ATP8A1: variants seen among roughly 807,000 people sequenced by gnomAD.
ATP8A1 encodes the protein phospholipid-transporting ATPase IA.
Under a neutral mutation model 177.7 loss-of-function variants are expected in ATP8A1, and 90 were observed. That is an observed-to-expected ratio of 0.51 (90% CI 0.43 to 0.60). ATP8A1 has a LOEUF of 0.60. Ranked by LOEUF, ATP8A1 falls within the 20% of genes least tolerant of loss-of-function variation. The pLI is 0.00. For synonymous variants in ATP8A1, 493 were observed against 485.9 expected, an observed-to-expected ratio of 1.01 and a Z score of -0.19; for missense variants, 1,072 against 1,392.8, an observed-to-expected ratio of 0.77 and a Z score of 3.67.
chr4:42,552,877 G>A (rs1248554891), intron 16 of ATP8A1, among the ~76,000 whole-genome samples: 5 of 152,200 alleles, frequency 3.3e-5, no homozygotes, highest in Non-Finnish European at 7.3e-5. Context: ...TATTCGGGAA[G>A]CTGAGTCAGG....
chr4:42,435,461 A>AAACAAC (rs372288620), intron 33 of ATP8A1, among the ~76,000 whole-genome samples: 65 of 122,378 alleles, frequency 5.3e-4, no homozygotes, highest in Non-Finnish European at 8.9e-4. Flanking sequence ...AAAAAAAAAA[A>AAACAAC]AACAAACTAT....
chr4:42,445,850 T>C (rs138853760), intron 31 of ATP8A1, among the ~76,000 whole-genome samples: 1,736 of 152,006 alleles, frequency 0.011, 34 homozygotes, highest in African/African-American at 0.04. Context: ...GAGGCTGAGG[T>C]GGGTGGATCA....
intron 33 of ATP8A1, among the ~76,000 whole-genome samples, chr4:42,441,532 G>C (rs763476846): frequency 3.3e-5 from 5 of 151,900 alleles, no homozygotes; most frequent in Non-Finnish European, 1.5e-5. Context: ...ACATTTTTTG[G>C]GACTTATTAG....
chr4:42,591,908 C>A (rs759656982), intron 6 of ATP8A1, among the ~76,000 whole-genome samples: 4 of 152,076 alleles, frequency 2.6e-5, no homozygotes, highest in Non-Finnish European at 5.9e-5. Context: ...GGGTAAAAAT[C>A]ATCATGTACT....
At chr4:42,642,027 T>C (rs1396505372) in intron 1 of ATP8A1, among the ~76,000 whole-genome samples, 1 of 151,894 alleles carries the variant, frequency 6.6e-6, no homozygotes, top group Non-Finnish European at 1.5e-5. Flanking sequence ...ATCAAAAACA[T>C]CCAGTGAAGA....
chr4:42,546,150 C>T (rs911390503), intron 19 of ATP8A1, among the ~76,000 whole-genome samples: 3 of 152,158 alleles, frequency 2.0e-5, no homozygotes, highest in South Asian at 2.1e-4. Context: ...TCAGTAACCT[C>T]GGTCCAAAGG....
At chr4:42,626,782 G>A in intron 2 of ATP8A1, 1 of 572,740 alleles carries the variant, frequency 1.7e-6, no homozygotes, top group Non-Finnish European at 3.1e-6. Context: ...GGCAGAGGAT[G>A]GGTGCTTATT....
At chr4:42,615,055 A>T (rs563190696) in intron 5 of ATP8A1, among the ~76,000 whole-genome samples, 1 of 152,326 alleles carries the variant, frequency 6.6e-6, no homozygotes, top group Non-Finnish European at 1.5e-5. Flanking sequence ...GTACTTTTAC[A>T]TGTTTTTACA....
chr4:42,459,509 G>A, intron 27 of ATP8A1: 1 of 354,620 alleles, frequency 2.8e-6, no homozygotes, highest in Non-Finnish European at 5.7e-6. Context: ...TGTATAAATT[G>A]TTATTTGCTT....
At position 42,485,517 on chromosome 4, in the gene ATP8A1, C is replaced by T. The variant is rs762450673; in HGVS notation, c.2303G>A (p.Cys768Tyr). Reference protein sequence around the residue: ...RQYFLDLALSCKAVICCRVSP... With the variant: ...RQYFLDLALSYKAVICCRVSP... ...TTACCGACAGCAAATGACAGCTTTG[C>T]ATGACAAAGCTAAGTCCAGGAAATA... The change falls in exon 25 of 37, where the codon TGC (cysteine) becomes TAC (tyrosine). Residue 768 changes from cysteine to tyrosine, a missense_variant. Cys to Tyr is a radical substitution (Grantham distance 194). Coordinates refer to ENST00000381668, the MANE Select transcript of ATP8A1 (RefSeq NM_006095.2). The T allele has an allele frequency of 6.2e-7, 1 of 1,611,454 alleles. No individual in the cohort carries two copies. The highest frequency in any genetic ancestry group is 8.5e-7 in the Non-Finnish European group (1 of 1,179,030).
At chr4:42,534,846 G>C (rs928190324) in intron 20 of ATP8A1, among the ~76,000 whole-genome samples, 1 of 152,152 alleles carries the variant, frequency 6.6e-6, no homozygotes, top group East Asian at 1.9e-4. Context: ...AAGGAATTGA[G>C]GACCTACCTT....
rs115846608 is a variant in ATP8A1, at chr4:42,622,052, T to C, written c.363+2484A>G. Among the ~76,000 whole-genome samples the C allele has an allele frequency of 9.8e-3, 1,484 of 152,190 alleles. 16 individuals are homozygous for C. The highest frequency in any genetic ancestry group is 0.033 in the African/African-American group (1,365 of 41,522). ...TATGTAGAAGACTGAAACTACATCA[T>C]ATACAAAACTCATCTCAAGATGGAT... On this transcript the variant is annotated intron_variant, in intron 4 of 36. Transcript: ENST00000381668.
chr4:42,599,358 C>A (rs1334654058), intron 6 of ATP8A1, among the ~76,000 whole-genome samples: 2 of 152,080 alleles, frequency 1.3e-5, no homozygotes, highest in Non-Finnish European at 2.9e-5. Context: ...AGAAAAGAAA[C>A]TTATTTTGAA....
chr4:42,648,370 G>C (rs968545201), intron 1 of ATP8A1, among the ~76,000 whole-genome samples: 4 of 151,738 alleles, frequency 2.6e-5, no homozygotes, highest in Non-Finnish European at 5.9e-5. Context: ...GGCGGGTGGG[G>C]TGGGGGGAAG....
chr4:42,641,359 G>C (rs1219601382), intron 1 of ATP8A1, among the ~76,000 whole-genome samples: 2 of 152,146 alleles, frequency 1.3e-5, no homozygotes, highest in Non-Finnish European at 2.9e-5. Flanking sequence ...TCTGAGAATG[G>C]AATGGGCTGT....
intron 1 of ATP8A1, among the ~76,000 whole-genome samples, chr4:42,639,412 A>G (rs142274510): frequency 4.5e-4 from 68 of 152,310 alleles, no homozygotes; most frequent in African/African-American, 1.6e-3. Context: ...TAGATGATAC[A>G]ATGTTGTTAA....
rs1351229079 is a variant in ATP8A1 at position 42,512,065 on chromosome 4, T to A, written c.1948-4911A>T. Among the ~76,000 whole-genome samples the A allele has an allele frequency of 3.3e-5, 5 of 152,152 alleles. No homozygotes were observed. In the East Asian group the frequency reaches 9.6e-4, roughly 29 times the overall value. ...GAAGAGGAAACCAGCATTTCACGGA[T>A]AGAAAAATTGTACCAGGCACTGCTA... On this transcript the variant is annotated intron_variant, in intron 22 of 36. Coordinates refer to ENST00000381668, the MANE Select transcript of ATP8A1 (RefSeq NM_006095.2).
chr4:42,458,703 TA>T (rs1432298209), intron 27 of ATP8A1, among the ~76,000 whole-genome samples: 1 of 152,262 alleles, frequency 6.6e-6, no homozygotes, highest in Non-Finnish European at 1.5e-5. Flanking sequence ...TTTAAATCTA[TA>T]AAACACATAG....
At chr4:42,458,203 T>A (rs1269940832) in intron 27 of ATP8A1, among the ~76,000 whole-genome samples, 4 of 152,158 alleles carry the variant, frequency 2.6e-5, no homozygotes, top group African/African-American at 9.7e-5. Context: ...TAAAACAACA[T>A]CTAAATTATC....
Sources: allele counts gnomAD v4.1 joint callset (sites outside exome capture counted in the v4.1 genomes callset), GRCh38; gene constraint gnomAD v4.1.1; transcripts MANE v1.5; gene names NCBI Gene and HGNC (gene_info 2026-07-23, HGNC 2026-07-21).